PIAS1: variants seen among roughly 807,000 people sequenced by gnomAD.
PIAS1 encodes the protein protein inhibitor of activated STAT 1.
A neutral mutation model predicts 71.3 loss-of-function variants in PIAS1; 6 were observed. The observed-to-expected ratio is 0.08, with a 90% confidence interval of 0.05 to 0.17. The LOEUF (loss-of-function observed/expected upper bound fraction) is 0.17. PIAS1 is among the 10% of genes least tolerant of loss of function. The pLI is 1.00. For missense variants in PIAS1, 555 were observed against 793.6 expected, an observed-to-expected ratio of 0.70 and a Z score of 3.61; for synonymous variants, 303 against 292.9, an observed-to-expected ratio of 1.03 and a Z score of -0.35.
intron 2 of PIAS1, among the ~76,000 whole-genome samples, chr15:68,114,063 T>C (rs11071980): frequency 0.13 from 7,088 of 56,088 alleles, 176 homozygotes; most frequent in Admixed American, 0.15. Context: ...CACACACACT[T>C]ATATACATGT....
At chr15:68,177,293 A>AAAG (rs1555434126) in intron 11 of PIAS1, among the ~76,000 whole-genome samples, 1 of 151,608 alleles carries the variant, frequency 6.6e-6, no homozygotes, top group African/African-American at 2.4e-5. Flanking sequence ...AAAAAAAAAA[A>AAAG]AAAAGAAAGA....
chr15:68,071,035 C>A (rs1002619649), intron 1 of PIAS1, among the ~76,000 whole-genome samples: 3 of 152,070 alleles, frequency 2.0e-5, no homozygotes, highest in African/African-American at 7.3e-5. Flanking sequence ...TATTACTGCT[C>A]ATAAGTAGAA....
chr15:68,177,310 T>C (rs531918604), intron 11 of PIAS1, among the ~76,000 whole-genome samples: 13 of 136,510 alleles, frequency 9.5e-5, no homozygotes, highest in African/African-American at 3.4e-4. Context: ...AAGAAAAAAT[T>C]TGTATTTCTA....
intron 1 of PIAS1, among the ~76,000 whole-genome samples, chr15:68,084,055 A>G (rs1019878235): frequency 6.6e-6 from 1 of 152,186 alleles, no homozygotes; most frequent in Non-Finnish European, 1.5e-5. Context: ...AAGAGATTTT[A>G]TGAGAAATGT....
chr15:68,172,606 C>A (rs2092998481), intron 8 of PIAS1, among the ~76,000 whole-genome samples: 1 of 152,174 alleles, frequency 6.6e-6, no homozygotes, highest in African/African-American at 2.4e-5. Context: ...GTTCACAAAT[C>A]TTTTCCTGGT....
At position 68,191,376 on chromosome 15, in the gene PIAS1, C is replaced by T. The variant is rs1027685767; in HGVS notation, c.*3541C>T. The stretch of plus-strand genomic sequence containing the variant: ...AAGTACCAAGTGAAAATATTTATTA[C>T]ATGCATTGGAAAAAAATTGTTTACC... On this transcript the variant is annotated 3_prime_UTR_variant, in exon 14 of 14. Transcript: ENST00000249636. The T allele has an allele frequency of 9.2e-5, 14 of 152,610 alleles. No homozygotes were observed. The highest frequency in any genetic ancestry group is 3.4e-4 in the African/African-American group (14 of 41,448). 9.5% of individuals were successfully genotyped at this position (152,610 alleles called of 1,614,324 possible). A position where few individuals can be genotyped will look rare whatever the true frequency, so the allele number is the denominator to read the frequency against.
chr15:68,183,506 A>G, intron 12 of PIAS1, 124 bp from the exon 13 acceptor site: 3 of 588,146 alleles, frequency 5.1e-6, no homozygotes, highest in Admixed American at 3.2e-5. Context: ...TCAACTCTTC[A>G]TGTTTAAATA....
rs892349162 is a variant in PIAS1 at position 68,093,244 on chromosome 15, T to C, written c.469+6494T>C. Among the ~76,000 whole-genome samples the C allele has an allele frequency of 3.9e-5, 6 of 152,240 alleles. No homozygotes were observed. The East Asian group carries it at 1.2e-3, about 29-fold the overall frequency. ...TTTTCATGAAAACAGCAACTTTCTT[T>C]TTAGACTTACATTTTAGCAGCTTTT... is the stretch of plus-strand genomic sequence containing the variant. On this transcript the variant is annotated intron_variant, in intron 2 of 13. Coordinates refer to ENST00000249636, the MANE Select transcript of PIAS1 (RefSeq NM_016166.3).
intron 2 of PIAS1, among the ~76,000 whole-genome samples, chr15:68,121,873 A>G (rs2092616240): frequency 6.6e-6 from 1 of 152,158 alleles, no homozygotes; most frequent in African/African-American, 2.4e-5. Flanking sequence ...CACACCTGTA[A>G]TCCCAGCACT....
rs1041641976 is a variant in PIAS1 at position 68,173,753 on chromosome 15, A to G, written c.1030A>G (p.Ile344Val). ...LCPLGKMRLTIPCRALTCSHL... is the reference protein window; with the variant it reads ...LCPLGKMRLTVPCRALTCSHL... Reference sequence around the variant, plus strand: ...AAAGCTTGGTAAAATGCGGCTGACAATTCCGTGTCGGGCCCTTACATGTTC... The same window carrying G: ...AAAGCTTGGTAAAATGCGGCTGACAGTTCCGTGTCGGGCCCTTACATGTTC... The change falls in exon 9 of 14, where the codon ATT (isoleucine) becomes GTT (valine). Residue 344 changes from isoleucine (I) to valine (V), a missense_variant. Physicochemically the swap from Ile to Val is conservative, Grantham distance 29 (BLOSUM62 3). Transcript: ENST00000249636. The surrounding 1 kb of genome is among the most constrained non-coding windows in gnomAD (Gnocchi z 4.3). The G allele has an allele frequency of 1.4e-5, 22 of 1,552,706 alleles. No individual in the cohort carries two copies. The highest frequency in any genetic ancestry group is 1.9e-5 in the Non-Finnish European group (22 of 1,141,204).
At chr15:68,180,281 G>A (rs751471634) in intron 11 of PIAS1, among the ~76,000 whole-genome samples, 1 of 151,698 alleles carries the variant, frequency 6.6e-6, no homozygotes, top group Non-Finnish European at 1.5e-5. Flanking sequence ...TTAATTTTTC[G>A]TAGAGACAGG....
chr15:68,091,997 T>C (rs946770380), intron 2 of PIAS1, among the ~76,000 whole-genome samples: 1 of 152,220 alleles, frequency 6.6e-6, no homozygotes, highest in Non-Finnish European at 1.5e-5. Flanking sequence ...GTGACTCATC[T>C]TGTTTGCTTT....
chr15:68,166,335 G>A (rs1017137555), intron 8 of PIAS1, among the ~76,000 whole-genome samples: 3 of 150,934 alleles, frequency 2.0e-5, no homozygotes, highest in African/African-American at 4.9e-5. Flanking sequence ...TGTGTGTGTG[G>A]TTTTTTTGTT....
intron 1 of PIAS1, among the ~76,000 whole-genome samples, chr15:68,082,289 A>G (rs1463392505): frequency 7.9e-5 from 12 of 152,190 alleles, no homozygotes; most frequent in Middle Eastern, 3.2e-3. Flanking sequence ...AACGGGATCC[A>G]GTATAAAAGA....
intron 1 of PIAS1, among the ~76,000 whole-genome samples, chr15:68,080,184 G>T (rs2092215085): frequency 6.6e-6 from 1 of 152,124 alleles, no homozygotes; most frequent in Non-Finnish European, 1.5e-5. Flanking sequence ...CTTTTTGAAG[G>T]ATAGAAGTTT....
Position 68,187,896 on chromosome 15 carries a change from G to T in PIAS1, c.*61G>T, listed in dbSNP as rs2093098537. Reference sequence around the variant, plus strand: ...TCGAATGAACTTGGCAGAAAGAAGAGAACTTTGTGCTCTGTTTTACCTTAC... The same window carrying T: ...TCGAATGAACTTGGCAGAAAGAAGATAACTTTGTGCTCTGTTTTACCTTAC... On this transcript the variant is annotated 3_prime_UTR_variant, in exon 14 of 14. Coordinates refer to ENST00000249636, the MANE Select transcript of PIAS1 (RefSeq NM_016166.3). The surrounding 1 kb of genome is among the most constrained non-coding windows in gnomAD (Gnocchi z 5.3). 10 of 1,476,130 alleles carry T rather than the reference G, an allele frequency of 6.8e-6. No individual in the cohort carries two copies. The highest frequency in any genetic ancestry group is 8.4e-6 in the Non-Finnish European group (9 of 1,074,460). The allele number at this position is 1,476,130 out of a possible 1,614,324, so 91.4% of individuals were successfully genotyped here.
At chr15:68,179,121 G>A (rs1378009947) in intron 11 of PIAS1, among the ~76,000 whole-genome samples, 1 of 152,162 alleles carries the variant, frequency 6.6e-6, no homozygotes, top group Non-Finnish European at 1.5e-5. Context: ...GTTGGTAACT[G>A]GAAACCTCAG....
At chr15:68,176,084 CATTT>C (rs1472200287) in intron 10 of PIAS1, among the ~76,000 whole-genome samples, 3 of 151,734 alleles carry the variant, frequency 2.0e-5, no homozygotes, top group Non-Finnish European at 2.9e-5. Flanking sequence ...GTTCTTTTTT[CATTT>C]ATTTATTTTT....
At chr15:68,133,054 C>T (rs1223059261) in intron 2 of PIAS1, among the ~76,000 whole-genome samples, 1 of 151,486 alleles carries the variant, frequency 6.6e-6, no homozygotes, top group African/African-American at 2.4e-5. Flanking sequence ...AAAGTAGTAG[C>T]ATACTGTATT....
Sources: allele counts gnomAD v4.1 joint callset (sites outside exome capture counted in the v4.1 genomes callset), GRCh38; gene constraint gnomAD v4.1.1; non-coding constraint Gnocchi (gnomAD v3.1); transcripts MANE v1.5; gene names NCBI Gene and HGNC (gene_info 2026-07-23, HGNC 2026-07-21).